Variants in FBXL3 observed in about 807,000 individuals in gnomAD.
The protein encoded by FBXL3 is F-box and leucine rich repeat protein 3.
FBXL3 carries 14 observed loss-of-function variants against 37.9 expected under a neutral mutation model. That is an observed-to-expected ratio of 0.37 (90% CI 0.24 to 0.58). FBXL3 has a LOEUF of 0.58. Among genes scored for constraint, FBXL3 ranks in the 20% least tolerant of loss-of-function variants. The pLI, the probability that FBXL3 is intolerant of heterozygous loss-of-function variation, is 0.74. For synonymous variants in FBXL3, 194 were observed against 180.1 expected, an observed-to-expected ratio of 1.08 and a Z score of -0.62; for missense variants, 327 against 511.1, an observed-to-expected ratio of 0.64 and a Z score of 3.47.
intron 4 of FBXL3, chr13:77,010,367 A>G (rs2034527953): frequency 6.6e-6 from 1 of 152,202 alleles, no homozygotes; most frequent in East Asian, 1.9e-4. Flanking sequence ...CGTAATTCTC[A>G]AAATGGCCTC....
intron 3 of FBXL3, 88 bp from the exon 4 acceptor site, chr13:77,015,668 CCATAA>C: frequency 1.2e-6 from 1 of 808,046 alleles, no homozygotes; most frequent in South Asian, 3.3e-5. Context: ...TTTATCTGAA[CCATAA>C]TGACATATTA....
chr13:77,019,273 C>T (rs1248736825), intron 2 of FBXL3: 1 of 152,002 alleles, frequency 6.6e-6, no homozygotes, highest in Non-Finnish European at 1.5e-5. Flanking sequence ...GCATGAAAAT[C>T]TAAACTAAAT....
intron 4 of FBXL3, among the ~76,000 whole-genome samples, chr13:77,011,976 C>T (rs2034562964): frequency 6.6e-6 from 1 of 152,216 alleles, no homozygotes; most frequent in African/African-American, 2.4e-5. Flanking sequence ...AAAATTTGTA[C>T]ATAAATGTGC....
At chr13:77,023,243 T>C (rs923679174) in intron 1 of FBXL3, among the ~76,000 whole-genome samples, 10 of 152,146 alleles carry the variant, frequency 6.6e-5, no homozygotes, top group African/African-American at 2.4e-4. Flanking sequence ...CACTGCAGCC[T>C]CGACCTCCTG....
intron 2 of FBXL3, among the ~76,000 whole-genome samples, chr13:77,019,543 T>C (rs2034704686): frequency 6.6e-6 from 1 of 152,184 alleles, no homozygotes; most frequent in South Asian, 2.1e-4. Context: ...ATAGATAATA[T>C]GTGGTCCCTG....
At chr13:77,018,795 T>C (rs1243572545) in intron 2 of FBXL3, 73 bp from the exon 3 acceptor site, 2 of 1,203,926 alleles carry the variant, frequency 1.7e-6, no homozygotes, top group South Asian at 2.0e-5. Flanking sequence ...TACCCAGACT[T>C]CAAGATTACT....
rs2034834961 is a variant in FBXL3 at position 77,026,160 on chromosome 13, ATCTC to A, written c.-2+663_-2+666del. The A allele has an allele frequency of 3.0e-6, 3 of 983,790 alleles. No individual in the cohort carries two copies. The East Asian group carries it at 3.4e-4, about 112-fold the overall frequency. The allele number at this position is 983,790 out of a possible 1,614,324, so 60.9% of individuals were successfully genotyped here. On this transcript the variant is annotated intron_variant, in intron 1 of 4. Coordinates refer to ENST00000355619, the MANE Select transcript of FBXL3 (RefSeq NM_012158.4). Reference sequence around the variant, plus strand: ...CATTAGCAACGACAAAATAAAAATGATCTCTCTCACCTCTCAGCTTGGAGATACA... The same window carrying A: ...CATTAGCAACGACAAAATAAAAATGATCTCACCTCTCAGCTTGGAGATACA...
intron 1 of FBXL3, among the ~76,000 whole-genome samples, chr13:77,023,347 T>A (rs853658): frequency 0.026 from 3,093 of 117,380 alleles, 89 homozygotes; most frequent in African/African-American, 0.12. Flanking sequence ...AGAGAGAGAG[T>A]GTGTGTGTGT....
rs541907334 is a variant in FBXL3 at position 77,006,039 on chromosome 13, T to C, written c.*1106A>G. The C allele has an allele frequency of 1.3e-5, 2 of 152,686 alleles. No homozygotes were observed. The highest frequency in any genetic ancestry group is 4.8e-5 in the African/African-American group (2 of 41,590). The allele number at this position is 152,686 out of a possible 1,614,324, so 9.5% of individuals were successfully genotyped here. On this transcript the variant is annotated 3_prime_UTR_variant, in exon 5 of 5. Coordinates refer to ENST00000355619, the MANE Select transcript of FBXL3 (RefSeq NM_012158.4). The stretch of plus-strand genomic sequence containing the variant: ...ACATTTTTCTATTAAAGTTTTCCAG[T>C]TCACTGAGCAATATTTACTGAAAAA...
At chr13:77,026,374 T>G in intron 1 of FBXL3, 1 of 985,320 alleles carries the variant, frequency 1.0e-6, no homozygotes, top group Non-Finnish European at 1.2e-6. Flanking sequence ...ACATTTCTCA[T>G]GCGCCCCACC....
At chr13:77,019,546 G>C (rs968970874) in intron 2 of FBXL3, among the ~76,000 whole-genome samples, 5 of 152,076 alleles carry the variant, frequency 3.3e-5, no homozygotes, top group African/African-American at 1.2e-4. Context: ...GATAATATGT[G>C]GTCCCTGAGA....
intron 1 of FBXL3, among the ~76,000 whole-genome samples, chr13:77,022,272 C>G (rs1313505518): frequency 6.6e-6 from 1 of 152,226 alleles, no homozygotes; most frequent in Middle Eastern, 3.4e-3. Flanking sequence ...TTCTTGAATT[C>G]CAGGCCAACC....
chr13:77,023,776 T>G (rs1037332234), intron 1 of FBXL3, among the ~76,000 whole-genome samples: 1 of 152,212 alleles, frequency 6.6e-6, no homozygotes, highest in Non-Finnish European at 1.5e-5. Flanking sequence ...CATTCCTGTG[T>G]GAGATGAAGG....
chr13:77,018,808 T>C, intron 2 of FBXL3, 86 bp from the exon 3 acceptor site: 2 of 1,097,166 alleles, frequency 1.8e-6, no homozygotes, highest in South Asian at 4.5e-5. Flanking sequence ...AGATTACTCA[T>C]GTATATATTT....
chr13:77,015,610 T>C, intron 3 of FBXL3, 30 bp from the exon 4 acceptor site: 1 of 1,408,998 alleles, frequency 7.1e-7, no homozygotes, highest in Non-Finnish European at 9.4e-7. Flanking sequence ...AAATAAAAAT[T>C]ATTTCAATTT....
chr13:77,014,237 G>A (rs2034604766), intron 4 of FBXL3: 1 of 152,236 alleles, frequency 6.6e-6, no homozygotes, highest in South Asian at 2.1e-4. Flanking sequence ...ACAAAAATCT[G>A]TAGTTCCATA....
rs531986223 is a variant in FBXL3 at position 77,005,405 on chromosome 13, T to A, written c.*1740A>T. On this transcript the variant is annotated 3_prime_UTR_variant, in exon 5 of 5. Coordinates refer to ENST00000355619, the MANE Select transcript of FBXL3 (RefSeq NM_012158.4). ...AATTCAATTTGTACAAAAAGTAAAT[T>A]TCCAAATACAAGCTTTGGTTAGTAG... 2 of 152,720 alleles carry A rather than the reference T, an allele frequency of 1.3e-5. No homozygotes were observed. Among genetic ancestry groups the A allele is most frequent in the South Asian group, 4.1e-4 (2 of 4,830 alleles). 9.5% of individuals were successfully genotyped at this position (152,720 alleles called of 1,614,324 possible).
chr13:77,008,118 A>G (rs2034485585), intron 4 of FBXL3, among the ~76,000 whole-genome samples: 1 of 152,222 alleles, frequency 6.6e-6, no homozygotes, highest in South Asian at 2.1e-4. Context: ...AAAAGTTATT[A>G]CTAACACTAA....
chr13:77,011,638 G>A (rs948006421), intron 4 of FBXL3, among the ~76,000 whole-genome samples: 2 of 148,442 alleles, frequency 1.3e-5, no homozygotes, highest in African/African-American at 2.5e-5. Context: ...TGAGAAGATC[G>A]TTTAAGCCCA....
Sources: gnomAD v4.1 joint callset for allele counts (sites outside exome capture counted in the v4.1 genomes callset) on GRCh38, gnomAD v4.1.1 for gene constraint, MANE v1.5 for transcripts, NCBI Gene and HGNC (gene_info 2026-07-23, HGNC 2026-07-21) for gene names.